AAMP: variants seen among roughly 807,000 people sequenced by gnomAD.
AAMP encodes angio-associated migratory cell protein.
AAMP carries 12 observed loss-of-function variants against 51.1 expected under a neutral mutation model. The observed-to-expected ratio is 0.23, with a 90% CI of 0.15 to 0.38. The LOEUF (loss-of-function observed/expected upper bound fraction) is 0.38, where lower values mean the gene tolerates loss of function less well. AAMP is among the 10% of genes least tolerant of loss of function. AAMP has a pLI of 1.00. For missense variants in AAMP, 418 were observed against 557.2 expected (o/e 0.75, Z 2.52); for synonymous variants, 210 against 218.7 (o/e 0.96, Z 0.35).
chr2:218,268,694 C>CTTTTT (rs150733595), intron 2 of AAMP, among the ~76,000 whole-genome samples: 2 of 109,442 alleles, frequency 1.8e-5, no homozygotes, highest in Non-Finnish European at 3.9e-5. Context: ...TCAAAGATAA[C>CTTTTT]TTTTTTTTTT....
At chr2:218,269,288 C>T in intron 2 of AAMP, 94 bp downstream of exon 2, 1 of 1,524,864 alleles carries the variant, frequency 6.6e-7, no homozygotes, top group Non-Finnish European at 9.0e-7. Flanking sequence ...TCTTGCCCAT[C>T]TCTGTGTCCC....
rs1330457993 is a variant in AAMP, at chr2:218,267,482, C to T, written c.394+12G>A. 6.2e-7 allele frequency: 1 copy of T among 1,613,902 alleles called. No individual in the cohort carries two copies. Among genetic ancestry groups the T allele is most frequent in the South Asian group, 1.1e-5 (1 of 91,084 alleles). ...TATGACCTCTCCCAGGCCTCTACCCCAGCCCCCTCACCTGCACACTCAAAG... is the reference window on the plus strand; with the variant it reads ...TATGACCTCTCCCAGGCCTCTACCCTAGCCCCCTCACCTGCACACTCAAAG... On this transcript the variant is annotated intron_variant, in intron 3 of 10. Coordinates refer to ENST00000248450, the MANE Select transcript of AAMP (RefSeq NM_001087.5). The surrounding 1 kb of genome is among the most constrained non-coding windows in gnomAD (Gnocchi z 4.6).
Position 218,264,736 on chromosome 2 carries a change from T to C in AAMP, c.1230-128A>G. On this transcript the variant is annotated intron_variant, in intron 10 of 10. Coordinates refer to ENST00000248450, the MANE Select transcript of AAMP (RefSeq NM_001087.5). The stretch of plus-strand genomic sequence containing the variant: ...TAGTGCCTAGCACTGGGCCGACATC[T>C]CTGCAGCCAGCATGGAGGGGATTAG... 3.4e-6 allele frequency: 3 copies of C among 886,846 alleles called. No homozygotes were observed. The South Asian group carries it at 4.4e-5, about 13-fold the overall frequency. 54.9% of individuals were successfully genotyped at this position (886,846 alleles called of 1,614,324 possible).
chr2:218,269,622 G>A lies in AAMP; in HGVS notation c.122-88C>T. 5 of 1,602,636 alleles carry A rather than the reference G, an allele frequency of 3.1e-6. No homozygotes were observed. In the East Asian group the frequency reaches 1.1e-4, roughly 36 times the overall value. ...ATGAGGAGGCCTGAGGCTGGGGCGG[G>A]TCATGTGGCGAGAAGGGAAGGTGGA... On this transcript the variant is annotated intron_variant, in intron 1 of 10. Coordinates refer to ENST00000248450, the MANE Select transcript of AAMP (RefSeq NM_001087.5).
Position 218,267,588 on chromosome 2 carries a change from G to A in AAMP, c.300C>T (p.Asp100=), listed in dbSNP as rs1690664109. 3 of 1,614,026 alleles carry A rather than the reference G, an allele frequency of 1.9e-6. No homozygotes were observed. Among genetic ancestry groups the A allele is most frequent in the Non-Finnish European group, 2.5e-6 (3 of 1,180,034 alleles). The change falls in exon 3 of 11, where the codon GAC becomes GAT. Residue 100 remains aspartate (D), a synonymous_variant. Coordinates refer to ENST00000248450, the MANE Select transcript of AAMP (RefSeq NM_001087.5). This position sits in a 1 kb window ranked among gnomAD's most constrained non-coding sequence, Gnocchi z 4.6. ...TCACTGCCAAGGTATTGGTCTTGGGGTCCAGGCTCACACAAAACACAGATG... is the reference window on the plus strand; with the variant it reads ...TCACTGCCAAGGTATTGGTCTTGGGATCCAGGCTCACACAAAACACAGATG... ...HSASVFCVSL[D]PKTNTLAVTG... is the part of the protein sequence containing the mutation.
chr2:218,267,106 T>G lies in AAMP; in HGVS notation c.395-120A>C. ...GCTAGGAAAAAAAGAGGGGCGGGACTGAGCAGAACAGGTGCTGGAACTCAC... is the reference window on the plus strand; with the variant it reads ...GCTAGGAAAAAAAGAGGGGCGGGACGGAGCAGAACAGGTGCTGGAACTCAC... On this transcript the variant is annotated intron_variant, in intron 3 of 10. Coordinates refer to ENST00000248450, the MANE Select transcript of AAMP (RefSeq NM_001087.5). The surrounding 1 kb of genome is among the most constrained non-coding windows in gnomAD (Gnocchi z 4.6). 8.5e-7 allele frequency: 1 copy of G among 1,181,382 alleles called. No individual in the cohort carries two copies. Among genetic ancestry groups the G allele is most frequent in the Non-Finnish European group, 1.2e-6 (1 of 837,582 alleles). 73.2% of individuals were successfully genotyped at this position (1,181,382 alleles called of 1,614,324 possible). A position where few individuals can be genotyped will look rare whatever the true frequency, so the allele number is the denominator to read the frequency against.
In AAMP at chr2:218,264,507, A is replaced by G. The variant is rs1405257785; in HGVS notation, c.*26T>C. On this transcript the variant is annotated 3_prime_UTR_variant, in exon 11 of 11. Coordinates refer to ENST00000248450, the MANE Select transcript of AAMP (RefSeq NM_001087.5). ...GGGGTCCCTTCGTCCCCTCAACACC[A>G]GACACACAGGCAGGGGCTGCAGCCA... The G allele has an allele frequency of 1.9e-6, 3 of 1,610,442 alleles. No homozygotes were observed. Among genetic ancestry groups the G allele is most frequent in the African/African-American group, 2.7e-5 (2 of 74,842 alleles).
Position 218,264,592 on chromosome 2 carries a change from C to G in AAMP, c.1246G>C (p.Val416Leu), listed in dbSNP as rs1186418095. 6.2e-7 allele frequency: 1 copy of G among 1,614,104 alleles called. No homozygotes were observed. The highest frequency in any genetic ancestry group is 1.1e-5 in the South Asian group (1 of 91,086). Residue 416 changes from valine (V) to leucine (L), a missense_variant, in exon 11 of 11, where the codon GTG (valine) becomes CTG (leucine). Val to Leu is a conservative substitution (Grantham distance 32, BLOSUM62 1). Transcript: ENST00000248450. ...FALSKDASLV[V>L]TTSGDHKAKV... The stretch of plus-strand genomic sequence containing the variant: ...GCTTTGTGGTCTCCTGACGTGGTCA[C>G]CACCAGGGAGGCATCTCTGTAAACA...
In AAMP at chr2:218,264,584, C is replaced by T. The variant is rs144370433; in HGVS notation, c.1254G>A (p.Thr418=). The T allele has an allele frequency of 2.3e-4, 377 of 1,614,132 alleles. No homozygotes were observed. Among genetic ancestry groups the T allele is most frequent in the Non-Finnish European group, 3.0e-4 (355 of 1,179,976 alleles). Residue 418 remains threonine, a synonymous_variant, in exon 11 of 11, where the codon ACG becomes ACA. Transcript: ENST00000248450. The stretch of plus-strand genomic sequence containing the variant: ...ATACTTTCGCTTTGTGGTCTCCTGA[C>T]GTGGTCACCACCAGGGAGGCATCTC... ...LSKDASLVVT[T]SGDHKAKVFC...
chr2:218,264,778 G>A (rs956226226), intron 10 of AAMP, among the ~76,000 whole-genome samples, 170 bp from the exon 11 acceptor site: 14 of 152,140 alleles, frequency 9.2e-5, no homozygotes, highest in South Asian at 4.1e-4. Context: ...CCCCCAGCAC[G>A]GGAGAAGCAG....
rs751739644 is a variant in AAMP at position 218,265,184 on chromosome 2, G to T, written c.1075-10C>A. ...GCTGCACGATGCCCGACTGCCCCGA[G>T]GAATGACAGAGGCAGGGCGGAGGTT... On this transcript the variant is annotated splice_polypyrimidine_tract_variant and intron_variant, in intron 9 of 10. Transcript: ENST00000248450. The surrounding 1 kb of genome is among the most constrained non-coding windows in gnomAD (Gnocchi z 6.6). 3.8e-6 allele frequency: 6 copies of T among 1,576,804 alleles called. No homozygotes were observed. Among genetic ancestry groups the T allele is most frequent in the Non-Finnish European group, 5.2e-6 (6 of 1,161,104 alleles).
At position 218,267,690 on chromosome 2, in the gene AAMP, C is replaced by A; in HGVS notation, c.275-77G>T. ...TCTGTCCTTCACAATCTTCAGGAAA[C>A]CCACCCCCTTTCACCCAAAGCGTGT... On this transcript the variant is annotated intron_variant, in intron 2 of 10. Coordinates refer to ENST00000248450, the MANE Select transcript of AAMP (RefSeq NM_001087.5). This position sits in a 1 kb window ranked among gnomAD's most constrained non-coding sequence, Gnocchi z 4.6. The A allele has an allele frequency of 1.3e-6, 2 of 1,571,358 alleles. No individual in the cohort carries two copies. Among genetic ancestry groups the A allele is most frequent in the South Asian group, 1.1e-5 (1 of 89,426 alleles).
chr2:218,265,494 A>T lies in AAMP; in HGVS notation c.984-33T>A. ...GAGGAGCGTACCATGAAGACTCATG[A>T]GGGCCTGGACTCACACGCCCTGCCG... is the stretch of plus-strand genomic sequence containing the variant. On this transcript the variant is annotated intron_variant, in intron 8 of 10. Transcript: ENST00000248450. The surrounding 1 kb of genome is among the most constrained non-coding windows in gnomAD (Gnocchi z 6.6). The T allele has an allele frequency of 6.3e-7, 1 of 1,575,422 alleles. No homozygotes were observed. The highest frequency in any genetic ancestry group is 8.7e-7 in the Non-Finnish European group (1 of 1,151,138).
chr2:218,269,179 T>C (rs1280215652), intron 2 of AAMP, among the ~76,000 whole-genome samples: 1 of 152,236 alleles, frequency 6.6e-6, no homozygotes, highest in Non-Finnish European at 1.5e-5. Flanking sequence ...CAAGGTTAAC[T>C]GGCAAAGTAG....
chr2:218,264,990 A>G (rs141536817), intron 10 of AAMP, 30 bp downstream of exon 10: 1,505 of 1,613,236 alleles, frequency 9.3e-4, no homozygotes, highest in Middle Eastern at 3.1e-3. Flanking sequence ...CAAATACACA[A>G]AGATCCCAGC....
Position 218,265,531 on chromosome 2 carries a change from C to T in AAMP, c.983+48G>A, listed in dbSNP as rs1460948801. ...CACACGCCCTGCCGTCCTCCCGGGC[C>T]CCCAGCCCAGGCCCCTCCCACAAAC... On this transcript the variant is annotated intron_variant, in intron 8 of 10. Coordinates refer to ENST00000248450, the MANE Select transcript of AAMP (RefSeq NM_001087.5). This position sits in a 1 kb window ranked among gnomAD's most constrained non-coding sequence, Gnocchi z 6.6. 1 of 1,595,072 alleles carries T rather than the reference C, an allele frequency of 6.3e-7. No individual in the cohort carries two copies. Among genetic ancestry groups the T allele is most frequent in the South Asian group, 1.1e-5 (1 of 90,566 alleles).
Position 218,267,230 on chromosome 2 carries a change from G to A in AAMP, c.395-244C>T. The A allele has an allele frequency of 1.5e-6, 1 of 652,420 alleles. No homozygotes were observed. Among genetic ancestry groups the A allele is most frequent in the Non-Finnish European group, 2.6e-6 (1 of 385,726 alleles). The allele number at this position is 652,420 out of a possible 1,614,324, so 40.4% of individuals were successfully genotyped here. A position where few individuals can be genotyped will look rare whatever the true frequency, so the allele number is the denominator to read the frequency against. On this transcript the variant is annotated intron_variant, in intron 3 of 10. Transcript: ENST00000248450. This position sits in a 1 kb window ranked among gnomAD's most constrained non-coding sequence, Gnocchi z 4.6. ...CAGCCTCCTATGCCTTCCCCCTTCT[G>A]TCCACTCTACACCTCTGCCCGCCTG...
At chr2:218,269,586 C>T (rs1297984556) in intron 1 of AAMP, 52 bp from the exon 2 acceptor site, 1 of 1,613,288 alleles carries the variant, frequency 6.2e-7, no homozygotes, top group Non-Finnish European at 8.5e-7. Context: ...GTAAGAGGTA[C>T]GGAGAGAAGC....
chr2:218,269,709 A>G, intron 1 of AAMP, 175 bp from the exon 2 acceptor site: 3 of 1,183,706 alleles, frequency 2.5e-6, no homozygotes, highest in Non-Finnish European at 2.4e-6. Flanking sequence ...ACGGCTGGCC[A>G]GAGACCGTGC....
Sources: allele counts gnomAD v4.1 joint callset (sites outside exome capture counted in the v4.1 genomes callset), GRCh38; gene constraint gnomAD v4.1.1; non-coding constraint Gnocchi (gnomAD v3.1); transcripts MANE v1.5; gene names NCBI Gene and HGNC (gene_info 2026-07-23, HGNC 2026-07-21).